PCDHA8: variants seen among roughly 807,000 people sequenced by gnomAD.
PCDHA8 encodes protocadherin alpha 8.
Under a neutral mutation model 61.8 loss-of-function variants are expected in PCDHA8, and 53 were observed. The observed-to-expected ratio is 0.86, with a 90% CI of 0.69 to 1.08. PCDHA8 has a LOEUF of 1.08. Ranked by LOEUF, PCDHA8 falls within the 50% of genes least tolerant of loss-of-function variation. PCDHA8 has a pLI of 0.00. For synonymous variants in PCDHA8, 618 were observed against 556.6 expected (o/e 1.11, Z -1.55); for missense variants, 1,293 against 1,245.0 (o/e 1.04, Z -0.58).
intron 1 of PCDHA8, chr5:140,926,908 G>A: frequency 6.4e-7 from 1 of 1,560,434 alleles, no homozygotes; most frequent in South Asian, 1.2e-5. Context: ...GGGCTGTGGG[G>A]TGGCAGTTTT....
intron 1 of PCDHA8, chr5:140,850,516 A>G: frequency 6.3e-7 from 1 of 1,598,240 alleles, no homozygotes; most frequent in Non-Finnish European, 8.6e-7. Context: ...GAGAGCGGCC[A>G]GGCGCCAAAG....
At chr5:140,977,911 A>T (rs2096780139) in intron 1 of PCDHA8, among the ~76,000 whole-genome samples, 1 of 152,002 alleles carries the variant, frequency 6.6e-6, no homozygotes, top group Non-Finnish European at 1.5e-5. Flanking sequence ...TTTATCCCCC[A>T]TTTTTTTCAT....
chr5:140,848,579 C>A lies in PCDHA8; in HGVS notation c.2394+4864C>A, dbSNP rs2150413279. Reference sequence around the variant, plus strand: ...TCCTCGCAATGTGGGTGGTGGGGAGCGGCCAGCTCCACTACTCCGTCCCGG... The same window carrying A: ...TCCTCGCAATGTGGGTGGTGGGGAGAGGCCAGCTCCACTACTCCGTCCCGG... On this transcript the variant is annotated intron_variant, in intron 1 of 3. Transcript: ENST00000531613. 0.52 allele frequency: 831,192 copies of A among 1,591,790 alleles called. 256,408 individuals are homozygous for A. Among genetic ancestry groups the A allele is most frequent in the South Asian group, 0.62 (55,610 of 90,064 alleles).
intron 1 of PCDHA8, among the ~76,000 whole-genome samples, chr5:140,891,988 A>T (rs1213568167): frequency 6.6e-6 from 1 of 152,216 alleles, no homozygotes. Flanking sequence ...TAAATTACTC[A>T]GTCTGTGGCA....
At position 140,982,472 on chromosome 5, in the gene PCDHA8, C is replaced by T; in HGVS notation, c.2454-3C>T. The stretch of plus-strand genomic sequence containing the variant: ...CGTTATCTGGGTCTGTGTGTTTATT[C>T]AGCTCTGTGCACCTAGAGGAGGCTG... On this transcript the variant is annotated splice_polypyrimidine_tract_variant and splice_region_variant and intron_variant, in intron 2 of 3. Transcript: ENST00000531613. The T allele has an allele frequency of 3.1e-6, 5 of 1,614,144 alleles. No individual in the cohort carries two copies. Among genetic ancestry groups the T allele is most frequent in the Non-Finnish European group, 4.2e-6 (5 of 1,180,022 alleles).
chr5:140,993,996 G>T (rs1163632974), intron 3 of PCDHA8, among the ~76,000 whole-genome samples: 1 of 152,148 alleles, frequency 6.6e-6, no homozygotes, highest in Non-Finnish European at 1.5e-5. Flanking sequence ...CTTAGGTCAG[G>T]CCAGGCTCTG....
At chr5:140,869,149 C>A in intron 1 of PCDHA8, 3 of 1,613,754 alleles carry the variant, frequency 1.9e-6, no homozygotes, top group Non-Finnish European at 2.5e-6. Flanking sequence ...ACGACTACAG[C>A]TCTGGCTTCT....
At chr5:140,866,033 A>T (rs934159305) in intron 1 of PCDHA8, 9 of 152,168 alleles carry the variant, frequency 5.9e-5, no homozygotes, top group African/African-American at 2.2e-4. Flanking sequence ...GTTCGTGATC[A>T]TCATTATCAT....
intron 1 of PCDHA8, chr5:140,864,741 C>T (rs1031120106): frequency 1.1e-4 from 17 of 151,978 alleles, no homozygotes; most frequent in Admixed American, 3.3e-4. Flanking sequence ...CTTTGAGCAC[C>T]GATTATACTC....
chr5:140,908,351 AACTT>A (rs1422870011), intron 1 of PCDHA8, among the ~76,000 whole-genome samples: 5 of 152,154 alleles, frequency 3.3e-5, no homozygotes, highest in African/African-American at 1.2e-4. Context: ...TACCTCATGT[AACTT>A]ACTTGTGCCT....
At chr5:140,884,204 C>T in intron 1 of PCDHA8, 1 of 1,613,500 alleles carries the variant, frequency 6.2e-7, no homozygotes, top group Non-Finnish European at 8.5e-7. Flanking sequence ...GCCGCACCAC[C>T]GCCTTCTGGT....
chr5:140,877,150 G>A (rs370292278), intron 1 of PCDHA8: 11 of 1,613,672 alleles, frequency 6.8e-6, no homozygotes, highest in Admixed American at 3.3e-5. Context: ...GGACGAGAAC[G>A]ACAACGCGCC....
rs568082033 is a variant in PCDHA8, at chr5:140,926,946, AG to A, written c.2395-52002del. On this transcript the variant is annotated intron_variant, in intron 1 of 3. Transcript: ENST00000531613. ...GTTTGTGGGTTTCCTGCGGCGCTGC[AG>A]CGGGACAGCTCGAGTACTCAGTGCC... 60 of 1,590,228 alleles carry A rather than the reference AG, an allele frequency of 3.8e-5. No individual in the cohort carries two copies. The African/African-American group carries it at 7.7e-4, about 20-fold the overall frequency.
chr5:140,927,530 GC>G, intron 1 of PCDHA8: 1 of 1,614,080 alleles, frequency 6.2e-7, no homozygotes, highest in Non-Finnish European at 8.5e-7. Flanking sequence ...CTACCTGCCC[GC>G]TCAGGAGACG....
intron 1 of PCDHA8, among the ~76,000 whole-genome samples, chr5:140,890,293 A>G (rs1423277316): frequency 6.6e-6 from 1 of 152,196 alleles, no homozygotes; most frequent in African/African-American, 2.4e-5. Flanking sequence ...AGTCAGAACC[A>G]GGAGAGGTAA....
intron 1 of PCDHA8, chr5:140,856,523 G>A (rs1554148798): frequency 6.3e-7 from 1 of 1,598,526 alleles, no homozygotes; most frequent in Admixed American, 1.7e-5. Context: ...CGCATCTGAT[G>A]CGGATGTTGG....
Position 140,850,115 on chromosome 5 carries a change from G to C in PCDHA8, c.2394+6400G>C, listed in dbSNP as rs2150468444. ...AGTTCCAGGTGAGCGCGCGCGACGCGGGCGTGCCGCCTCTGGGCAGCAACG... is the reference window on the plus strand; with the variant it reads ...AGTTCCAGGTGAGCGCGCGCGACGCCGGCGTGCCGCCTCTGGGCAGCAACG... On this transcript the variant is annotated intron_variant, in intron 1 of 3. Transcript: ENST00000531613. The C allele has an allele frequency of 8.1e-6, 13 of 1,596,094 alleles. 2 individuals are homozygous for C. Among genetic ancestry groups the C allele is most frequent in the Non-Finnish European group, 1.1e-5 (13 of 1,167,854 alleles).
chr5:140,903,163 G>T (rs2070058285), intron 1 of PCDHA8, among the ~76,000 whole-genome samples: 1 of 152,096 alleles, frequency 6.6e-6, no homozygotes, highest in Non-Finnish European at 1.5e-5. Flanking sequence ...GGTTGTGCTG[G>T]TTTACATTCC....
chr5:140,975,953 T>C (rs1554237158), intron 1 of PCDHA8, among the ~76,000 whole-genome samples: 1 of 152,084 alleles, frequency 6.6e-6, no homozygotes, highest in East Asian at 1.9e-4. Flanking sequence ...CATATTAGAG[T>C]TCTTCACCAA....
Sources: gnomAD v4.1 joint callset for allele counts (sites outside exome capture counted in the v4.1 genomes callset) on GRCh38, gnomAD v4.1.1 for gene constraint, MANE v1.5 for transcripts, NCBI Gene and HGNC (gene_info 2026-07-23, HGNC 2026-07-21) for gene names.